Variants in NBAS observed in about 807,000 individuals in gnomAD.
NBAS encodes NBAS subunit of NRZ tethering complex.
In NBAS, 219 loss-of-function variants were observed where a neutral mutation model predicts 302.5. The ratio of observed to expected loss-of-function variants is 0.72; its 90% CI spans 0.65 to 0.81. NBAS has a LOEUF of 0.81. NBAS is among the 30% of genes least tolerant of loss of function. The pLI is 0.00. For missense variants in NBAS, 2,932 were observed against 2,841.6 expected (o/e 1.03, Z -0.72); for synonymous variants, 1,118 against 1,021.6 (o/e 1.09, Z -1.80).
At chr2:15,411,951 C>T (rs1676708240) in intron 25 of NBAS, among the ~76,000 whole-genome samples, 1 of 152,100 alleles carries the variant, frequency 6.6e-6, no homozygotes, top group Non-Finnish European at 1.5e-5. Context: ...GCCCAAGTTT[C>T]TTCCCAAGTT....
the NBAS span, among the ~76,000 whole-genome samples, chr2:15,052,060 A>T: frequency 6.6e-6 from 1 of 152,216 alleles, no homozygotes; most frequent in Non-Finnish European, 1.5e-5. Flanking sequence ...GACTATGAGT[A>T]TCTTGAGAGC....
At chr2:15,052,161 T>G in the NBAS span, among the ~76,000 whole-genome samples, 1 of 152,194 alleles carries the variant, frequency 6.6e-6, no homozygotes, top group Non-Finnish European at 1.5e-5. Flanking sequence ...AATCCCATGA[T>G]AGAAAATTAC....
chr2:15,447,834 T>C (rs1240758250), intron 21 of NBAS, among the ~76,000 whole-genome samples: 1 of 152,166 alleles, frequency 6.6e-6, no homozygotes, highest in Admixed American at 6.5e-5. Flanking sequence ...TGAGACTGGG[T>C]AATTTATAAA....
At chr2:14,998,919 C>A in the NBAS span, among the ~76,000 whole-genome samples, 1 of 152,176 alleles carries the variant, frequency 6.6e-6, no homozygotes, top group Admixed American at 6.5e-5. Context: ...CCAAGAGACT[C>A]CCAGCACGCT....
At chr2:15,251,479 A>C (rs938355166) in intron 44 of NBAS, among the ~76,000 whole-genome samples, 1 of 152,146 alleles carries the variant, frequency 6.6e-6, no homozygotes, top group African/African-American at 2.4e-5. Flanking sequence ...ACAAACAAAC[A>C]AAGTCCATAG....
rs549037879 is a variant in NBAS at position 15,420,402 on chromosome 2, G to C, written c.2578-2690C>G. 1.6e-3 allele frequency among the ~76,000 whole-genome samples: 243 copies of C among 152,240 alleles called. 1 individual carries two copies. Among genetic ancestry groups the C allele is most frequent in the Admixed American group, 5.8e-3 (88 of 15,298 alleles). ...TCGCCAGGCTCTGGGGAAATGAGAA[G>C]TAAACAAAAAGCAGAGTGGCTATTT... is the stretch of plus-strand genomic sequence containing the variant. On this transcript the variant is annotated intron_variant, in intron 23 of 51. Coordinates refer to ENST00000281513, the MANE Select transcript of NBAS (RefSeq NM_015909.4).
the NBAS span, among the ~76,000 whole-genome samples, chr2:15,087,267 G>A: frequency 6.7e-6 from 1 of 149,174 alleles, no homozygotes; most frequent in African/African-American, 2.5e-5. Flanking sequence ...CCCCATATTG[G>A]TTCTGTTTCT....
At chr2:14,800,452 C>G in the NBAS span, among the ~76,000 whole-genome samples, 31 of 152,326 alleles carry the variant, frequency 2.0e-4, no homozygotes, top group Middle Eastern at 3.4e-3. Context: ...GTCCAATACA[C>G]CCTTTTCCCT....
At chr2:14,866,540 TC>T in the NBAS span, among the ~76,000 whole-genome samples, 1 of 152,234 alleles carries the variant, frequency 6.6e-6, no homozygotes, top group East Asian at 1.9e-4. Flanking sequence ...AGGAGTCAAA[TC>T]TCAAGAACGC....
intron 41 of NBAS, among the ~76,000 whole-genome samples, chr2:15,288,606 A>G: frequency 6.6e-6 from 1 of 152,240 alleles, no homozygotes; most frequent in East Asian, 1.9e-4. Context: ...CTCTAGGCAT[A>G]TAAAGAGTTC....
chr2:14,919,011 C>T, the NBAS span, among the ~76,000 whole-genome samples: 3 of 152,072 alleles, frequency 2.0e-5, no homozygotes, highest in African/African-American at 7.2e-5. Flanking sequence ...CAGAAGACAA[C>T]TGGGGAGATG....
intron 44 of NBAS, among the ~76,000 whole-genome samples, chr2:15,260,278 A>G (rs774168158): frequency 6.6e-5 from 10 of 152,200 alleles, no homozygotes; most frequent in Non-Finnish European, 1.3e-4. Flanking sequence ...CTGTTTTCCT[A>G]AAGTGTGATT....
At chr2:15,130,776 C>G in the NBAS span, among the ~76,000 whole-genome samples, 1 of 152,180 alleles carries the variant, frequency 6.6e-6, no homozygotes, top group Non-Finnish European at 1.5e-5. Context: ...TCCCTTGACC[C>G]CTCCCATCCT....
chr2:15,122,051 C>G, the NBAS span, among the ~76,000 whole-genome samples: 133 of 151,672 alleles, frequency 8.8e-4, no homozygotes, highest in Non-Finnish European at 7.4e-4. Context: ...AAATCCCCCT[C>G]AAAACAGGAG....
At chr2:15,423,897 A>T (rs1378726394) in intron 23 of NBAS, among the ~76,000 whole-genome samples, 2 of 152,230 alleles carry the variant, frequency 1.3e-5, no homozygotes, top group Non-Finnish European at 2.9e-5. Context: ...TTAGGCATGA[A>T]CTTCAGGAAA....
intron 44 of NBAS, among the ~76,000 whole-genome samples, chr2:15,247,387 T>C (rs1356437400): frequency 6.6e-6 from 1 of 152,094 alleles, no homozygotes; most frequent in Non-Finnish European, 1.5e-5. Flanking sequence ...TACATAACAA[T>C]ATTAACCTTA....
intron 44 of NBAS, among the ~76,000 whole-genome samples, chr2:15,274,679 G>A (rs191433737): frequency 1.4e-4 from 22 of 152,258 alleles, no homozygotes; most frequent in Admixed American, 1.4e-3. Flanking sequence ...TGATGGAGGA[G>A]ACATCAGAAA....
At chr2:15,129,819 T>C in the NBAS span, among the ~76,000 whole-genome samples, 1 of 152,184 alleles carries the variant, frequency 6.6e-6, no homozygotes, top group East Asian at 1.9e-4. Context: ...ATTTTCAGCA[T>C]GTATTGCTTC....
At chr2:15,101,733 T>C in the NBAS span, among the ~76,000 whole-genome samples, 979 of 152,210 alleles carry the variant, frequency 6.4e-3, 9 homozygotes, top group African/African-American at 0.022. Flanking sequence ...GGGAGTGAGT[T>C]CAGAAGAAAG....
Sources: allele counts gnomAD v4.1 joint callset (sites outside exome capture counted in the v4.1 genomes callset), GRCh38; gene constraint gnomAD v4.1.1; transcripts MANE v1.5; gene names NCBI Gene and HGNC (gene_info 2026-07-23, HGNC 2026-07-21).